COL8A2: variants seen among roughly 807,000 people sequenced by gnomAD.
COL8A2 encodes the protein collagen type VIII alpha 2 chain, also known as collagen alpha-2(VIII) chain.
In COL8A2, 16 loss-of-function variants were observed where a neutral mutation model predicts 24.0. The ratio of observed to expected loss-of-function variants is 0.67; its 90% CI spans 0.45 to 1.01. The LOEUF (loss-of-function observed/expected upper bound fraction) is 1.01. Ranked by LOEUF, COL8A2 falls within the 50% of genes least tolerant of loss-of-function variation. COL8A2 has a pLI of 0.00. For synonymous variants in COL8A2, 466 were observed against 424.5 expected (o/e 1.10, Z -1.20); for missense variants, 818 against 942.4 (o/e 0.87, Z 1.73).
intron 3 of COL8A2, 70 bp from the exon 4 acceptor site, chr1:36,099,557 C>A (rs939171605): frequency 1.4e-5 from 16 of 1,120,110 alleles, no homozygotes; most frequent in Non-Finnish European, 1.8e-5. Context: ...TCTACCCATT[C>A]CCCCATTCCA....
In COL8A2 at chr1:36,125,105, G is replaced by T; in HGVS notation, c.-110C>A. The T allele has an allele frequency of 1.0e-6, 1 of 968,476 alleles. No individual in the cohort carries two copies. Among genetic ancestry groups the T allele is most frequent in the Non-Finnish European group, 1.2e-6 (1 of 816,630 alleles). 60.0% of individuals were successfully genotyped at this position (968,476 alleles called of 1,614,324 possible). A position where few individuals can be genotyped will look rare whatever the true frequency, so the allele number is the denominator to read the frequency against. On this transcript the variant is annotated 5_prime_UTR_variant, in exon 1 of 4. Coordinates refer to ENST00000397799, the MANE Select transcript of COL8A2 (RefSeq NM_005202.4). The surrounding 1 kb of genome is among the most constrained non-coding windows in gnomAD (Gnocchi z 4.5). ...CGCTCCCGGCCCTCGAGGGCGGCCC[G>T]GGCGGCGAGGGCTCCGGGCAGGGGC...
Position 36,101,589 on chromosome 1 carries a change from C to A in COL8A2, c.-16-1331G>T, listed in dbSNP as rs542444470. ...CTGTGGGAGCCTGGGCAGGAGGTCT[C>A]CTCATCCATGAAATGAGAGAGGATG... is the stretch of plus-strand genomic sequence containing the variant. On this transcript the variant is annotated intron_variant, in intron 2 of 3. Transcript: ENST00000397799. Among the ~76,000 whole-genome samples, 52 of 152,302 alleles carry A rather than the reference C, an allele frequency of 3.4e-4. 1 individual carries two copies. The South Asian group carries it at 6.2e-3, about 18-fold the overall frequency.
rs1643621430 is a variant in COL8A2, at chr1:36,098,800, G to A, written c.881C>T (p.Pro294Leu). The change falls in exon 4 of 4, where the codon CCA becomes CTA. Residue 294 changes from proline (P) to leucine (L), a missense_variant. Around this residue, in one of 3 missense-constraint regions of COL8A2, gnomAD observed 573 missense variants for 616.8 expected, o/e 0.93. Transcript: ENST00000397799. ...GAAGLPGPQG[P>L]SGAKGEPGTR... ...CCCTGGCTCCCCTTTGGCCCCTGATGGGCCCTGTGGTCCTGGCAACCCTGC... is the reference window on the plus strand; with the variant it reads ...CCCTGGCTCCCCTTTGGCCCCTGATAGGCCCTGTGGTCCTGGCAACCCTGC... 1 of 1,611,770 alleles carries A rather than the reference G, an allele frequency of 6.2e-7. No individual in the cohort carries two copies. Among genetic ancestry groups the A allele is most frequent in the Non-Finnish European group, 8.5e-7 (1 of 1,179,648 alleles).
chr1:36,099,860 AG>A (rs1643648053), intron 3 of COL8A2, among the ~76,000 whole-genome samples, 189 bp downstream of exon 3: 3 of 152,192 alleles, frequency 2.0e-5, no homozygotes, highest in Admixed American at 2.0e-4. Flanking sequence ...CCCCCTTGGA[AG>A]ACCACCTGTG....
rs762026636 is a variant in COL8A2, at chr1:36,097,558, C to A, written c.*11G>T. On this transcript the variant is annotated 3_prime_UTR_variant, in exon 4 of 4. Coordinates refer to ENST00000397799, the MANE Select transcript of COL8A2 (RefSeq NM_005202.4). ...GGGAGGAGGCCAGGGCAGCAGGACC[C>A]CCCCCGCGGGTTATGTGGGGCAGAG... is the stretch of plus-strand genomic sequence containing the variant. 4.4e-6 allele frequency: 7 copies of A among 1,581,466 alleles called. No individual in the cohort carries two copies. The highest frequency in any genetic ancestry group is 1.1e-5 in the South Asian group (1 of 89,596).
chr1:36,123,223 G>A lies in COL8A2; in HGVS notation c.-62+1834C>T, dbSNP rs1190310002. On this transcript the variant is annotated intron_variant, in intron 1 of 3. Coordinates refer to ENST00000397799, the MANE Select transcript of COL8A2 (RefSeq NM_005202.4). The surrounding 1 kb of genome is among the most constrained non-coding windows in gnomAD (Gnocchi z 4.1). ...TCCTCCTGCCACGGATGGGACCAGCGCATCTGAGACCCCACTTCCCTGTAA... is the reference window on the plus strand; with the variant it reads ...TCCTCCTGCCACGGATGGGACCAGCACATCTGAGACCCCACTTCCCTGTAA... Among the ~76,000 whole-genome samples, 1 of 152,152 alleles carries A rather than the reference G, an allele frequency of 6.6e-6. No homozygotes were observed. The highest frequency in any genetic ancestry group is 1.5e-5 in the Non-Finnish European group (1 of 68,044).
At chr1:36,116,692 T>A (rs1643881375) in intron 1 of COL8A2, among the ~76,000 whole-genome samples, 1 of 151,920 alleles carries the variant, frequency 6.6e-6, no homozygotes. Context: ...TGAGTCGGAG[T>A]CTGAAAGGCA....
At chr1:36,106,716 C>CA (rs11390835) in intron 2 of COL8A2, among the ~76,000 whole-genome samples, 136,039 of 152,150 alleles carry the variant, frequency 0.89, 60,919 homozygotes, top group Middle Eastern at 0.93. Flanking sequence ...AGCAGGGCGC[C>CA]AAGGAACAGC....
chr1:36,110,015 C>T (rs1238079165), intron 2 of COL8A2, among the ~76,000 whole-genome samples: 2 of 149,564 alleles, frequency 1.3e-5, no homozygotes, highest in Non-Finnish European at 3.0e-5. Flanking sequence ...CTGCAAGCTC[C>T]ACCACCTAGG....
Position 36,097,363 on chromosome 1 carries a change from A to AT in COL8A2, c.*205dup, listed in dbSNP as rs1434172001. Reference sequence around the variant, plus strand: ...GGTGCAGCCCTGACACTGCACAGACATTTGGGGGAAAGAAACTCAGGCCAG... The same window carrying AT: ...GGTGCAGCCCTGACACTGCACAGACATTTTGGGGGAAAGAAACTCAGGCCAG... On this transcript the variant is annotated 3_prime_UTR_variant, in exon 4 of 4. Transcript: ENST00000397799. The AT allele has an allele frequency of 1.2e-5, 7 of 579,418 alleles. No individual in the cohort carries two copies. The highest frequency in any genetic ancestry group is 1.1e-4 in the African/African-American group (6 of 53,464). 35.9% of individuals were successfully genotyped at this position (579,418 alleles called of 1,614,324 possible).
chr1:36,102,648 T>C (rs1280785044), intron 2 of COL8A2, among the ~76,000 whole-genome samples: 1 of 150,830 alleles, frequency 6.6e-6, no homozygotes, highest in Non-Finnish European at 1.5e-5. Flanking sequence ...ATGTGTGAAT[T>C]ATATCTATAA....
Position 36,100,198 on chromosome 1 carries a change from T to TAGC in COL8A2, c.42_44dup (p.Leu16dup), listed in dbSNP as rs754887303. ...GCCCACACCCCAGCACCAGCACCAGTAGCAGCAGCAGCAGCGAAGACAGGG... is the reference window on the plus strand; with the variant it reads ...GCCCACACCCCAGCACCAGCACCAGTAGCAGCAGCAGCAGCAGCGAAGACAGGG... On this transcript the variant is annotated inframe_insertion, in exon 3 of 4. Transcript: ENST00000397799. The TAGC allele has an allele frequency of 1.5e-4, 242 of 1,600,762 alleles. 4 individuals are homozygous for TAGC. The East Asian group carries it at 2.8e-3, about 19-fold the overall frequency.
In COL8A2 at chr1:36,111,188, C is replaced by T. The variant is rs77023540; in HGVS notation, c.-17+4520G>A. On this transcript the variant is annotated intron_variant, in intron 2 of 3. Transcript: ENST00000397799. ...GTCTCCAGCCTCTCCATCCATATGTCCACACGGGCCTGACCCCTCCCCAGC... is the reference window on the plus strand; with the variant it reads ...GTCTCCAGCCTCTCCATCCATATGTTCACACGGGCCTGACCCCTCCCCAGC... Among the ~76,000 whole-genome samples, 317 of 152,242 alleles carry T rather than the reference C, an allele frequency of 2.1e-3. 3 individuals are homozygous for T. Among genetic ancestry groups the T allele is most frequent in the African/African-American group, 6.9e-3 (285 of 41,536 alleles).
intron 1 of COL8A2, among the ~76,000 whole-genome samples, chr1:36,120,060 A>G (rs1246576569): frequency 1.3e-5 from 2 of 152,014 alleles, no homozygotes; most frequent in Non-Finnish European, 1.5e-5. Context: ...GATAATAGAA[A>G]ATACCATCCC....
rs1276043925 is a variant in COL8A2, at chr1:36,098,359, G to A, written c.1322C>T (p.Ala441Val). Residue 441 changes from alanine (A) to valine (V), a missense_variant, in exon 4 of 4, where the codon GCA becomes GTA. Ala to Val is a moderately conservative substitution (Grantham distance 64). Coordinates refer to ENST00000397799, the MANE Select transcript of COL8A2 (RefSeq NM_005202.4). ...FTGRPGGPGV[A>V]GALGQKGDLG... ...GTCACCTTTCTGCCCCAGGGCTCCT[G>A]CCACCCCTGGTCCTCCAGGGCGACC... is the stretch of plus-strand genomic sequence containing the variant. 6.4e-7 allele frequency: 1 copy of A among 1,551,782 alleles called. No individual in the cohort carries two copies. Among genetic ancestry groups the A allele is most frequent in the Non-Finnish European group, 8.7e-7 (1 of 1,148,054 alleles).
At chr1:36,101,390 C>T (rs1191891505) in intron 2 of COL8A2, among the ~76,000 whole-genome samples, 2 of 152,216 alleles carry the variant, frequency 1.3e-5, no homozygotes, top group East Asian at 3.8e-4. Flanking sequence ...TCCTCCTCTA[C>T]TCATCTTTTA....
intron 2 of COL8A2, among the ~76,000 whole-genome samples, chr1:36,113,999 G>A (rs1383598128): frequency 1.3e-5 from 2 of 152,108 alleles, no homozygotes; most frequent in Non-Finnish European, 2.9e-5. Context: ...TGGAACTCGG[G>A]AGAGAGACAT....
chr1:36,113,097 G>A (rs1294456076), intron 2 of COL8A2, among the ~76,000 whole-genome samples: 4 of 152,162 alleles, frequency 2.6e-5, no homozygotes, highest in South Asian at 2.1e-4. Flanking sequence ...CTGAGGTCAC[G>A]TTTGGAGGCA....
chr1:36,097,796 T>C lies in COL8A2; in HGVS notation c.1885A>G (p.Lys629Glu). The change falls in exon 4 of 4, where the codon AAG (lysine) becomes GAG (glutamate). Residue 629 changes from lysine (K) to glutamate (E), a missense_variant. Transcript: ENST00000397799. Reference sequence around the variant, plus strand: ...AGGGCCACCCACACGTTGGTGCCCTTGACGTGCACATGGTAAGCAAAGTAG... The same window carrying C: ...AGGGCCACCCACACGTTGGTGCCCTCGACGTGCACATGGTAAGCAAAGTAG... ...VYYFAYHVHV[K>E]GTNVWVALYK... 6.2e-7 allele frequency: 1 copy of C among 1,613,774 alleles called. No homozygotes were observed. Among genetic ancestry groups the C allele is most frequent in the Non-Finnish European group, 8.5e-7 (1 of 1,179,996 alleles).
Sources: gnomAD v4.1 joint callset for allele counts (sites outside exome capture counted in the v4.1 genomes callset) on GRCh38, gnomAD v4.1.1 for gene constraint, gnomAD v4.1.1 regional missense constraint, Gnocchi (gnomAD v3.1) non-coding constraint, MANE v1.5 for transcripts, NCBI Gene and HGNC (gene_info 2026-07-23, HGNC 2026-07-21) for gene names.